GRIA1: variants seen among roughly 807,000 people sequenced by gnomAD.
GRIA1 encodes the protein glutamate receptor 1.
Under a neutral mutation model 99.2 loss-of-function variants are expected in GRIA1, and 31 were observed. That is an observed-to-expected ratio of 0.31 (90% CI 0.23 to 0.42). The LOEUF (loss-of-function observed/expected upper bound fraction) is 0.42. Among genes scored for constraint, GRIA1 ranks in the 10% least tolerant of loss-of-function variants. GRIA1 has a pLI of 1.00. For synonymous variants in GRIA1, 438 were observed against 432.4 expected (o/e 1.01, Z -0.16); for missense variants, 782 against 1,157.5 (o/e 0.68, Z 4.71).
At chr5:153,540,763 G>A (rs1759003196) in intron 2 of GRIA1, among the ~76,000 whole-genome samples, 1 of 152,098 alleles carries the variant, frequency 6.6e-6, no homozygotes, top group Non-Finnish European at 1.5e-5. Flanking sequence ...TAGCAAAGGG[G>A]AGGCCTGTCA....
chr5:153,512,593 C>T (rs985992259), intron 2 of GRIA1, among the ~76,000 whole-genome samples: 1 of 152,206 alleles, frequency 6.6e-6, no homozygotes, highest in African/African-American at 2.4e-5. Context: ...TTCCCTTTCT[C>T]TAGTCTGCAA....
At chr5:153,557,136 C>T (rs1020995511) in intron 2 of GRIA1, among the ~76,000 whole-genome samples, 3 of 152,156 alleles carry the variant, frequency 2.0e-5, no homozygotes, top group African/African-American at 7.2e-5. Context: ...CAGAACTGGA[C>T]GTTGCTCTGG....
chr5:153,490,902 T>A lies in GRIA1; in HGVS notation c.14T>A (p.Phe5Tyr). 1 of 1,614,070 alleles carries A rather than the reference T, an allele frequency of 6.2e-7. No homozygotes were observed. Among genetic ancestry groups the A allele is most frequent in the Non-Finnish European group, 8.5e-7 (1 of 1,179,950 alleles). The change falls in exon 1 of 16, where the codon TTT (phenylalanine) becomes TAT (tyrosine). Residue 5 changes from phenylalanine to tyrosine, a missense_variant. Around this residue, in one of 5 missense-constraint regions of GRIA1, gnomAD observed 461 missense variants for 521.7 expected, o/e 0.88. Coordinates refer to ENST00000285900, the MANE Select transcript of GRIA1 (RefSeq NM_000827.4). MQHIFAFFCTGFLGA... is the reference protein window; with the variant it reads MQHIYAFFCTGFLGA... ...GCAAAAAGGAATATGCAGCACATTTTTGCCTTCTTCTGCACCGGTTTCCTA... is the reference window on the plus strand; with the variant it reads ...GCAAAAAGGAATATGCAGCACATTTATGCCTTCTTCTGCACCGGTTTCCTA...
At chr5:153,707,055 G>T (rs186132159) in intron 11 of GRIA1, among the ~76,000 whole-genome samples, 401 of 152,208 alleles carry the variant, frequency 2.6e-3, no homozygotes, top group African/African-American at 9.2e-3. Context: ...GGAGGCAGAG[G>T]TTGCAGTGAG....
At chr5:153,585,299 CTTTTTTTTT>C (rs10586598) in intron 2 of GRIA1, among the ~76,000 whole-genome samples, 2 of 70,100 alleles carry the variant, frequency 2.9e-5, no homozygotes, top group East Asian at 6.7e-4. Context: ...TTCTCTCTCT[CTTTTTTTTT>C]TTTTTTTTTT....
intron 11 of GRIA1, among the ~76,000 whole-genome samples, chr5:153,740,228 C>G (rs1169217023): frequency 1.3e-5 from 2 of 152,218 alleles, no homozygotes; most frequent in Non-Finnish European, 2.9e-5. Flanking sequence ...CACCCCTACC[C>G]TCCAGCTGCT....
Position 153,559,103 on chromosome 5 carries a change from G to A in GRIA1, c.220+65038G>A, listed in dbSNP as rs535703530. ...AACCCTGTCCATTGGTAACCAGTTTGATGGCTAAGCTCCATTTTTCCATCA... is the reference window on the plus strand; with the variant it reads ...AACCCTGTCCATTGGTAACCAGTTTAATGGCTAAGCTCCATTTTTCCATCA... On this transcript the variant is annotated intron_variant, in intron 2 of 15. Coordinates refer to ENST00000285900, the MANE Select transcript of GRIA1 (RefSeq NM_000827.4). 2.0e-5 allele frequency among the ~76,000 whole-genome samples: 3 copies of A among 152,276 alleles called. No individual in the cohort carries two copies. The East Asian group carries it at 5.8e-4, about 29-fold the overall frequency.
At chr5:153,642,546 A>T (rs1046473477) in intron 2 of GRIA1, among the ~76,000 whole-genome samples, 1 of 151,758 alleles carries the variant, frequency 6.6e-6, no homozygotes, top group Admixed American at 6.6e-5. Context: ...GCGCAACATA[A>T]TGAGATCTCA....
intron 5 of GRIA1, among the ~76,000 whole-genome samples, chr5:153,671,803 G>C (rs1756199194): frequency 6.6e-6 from 1 of 152,138 alleles, no homozygotes; most frequent in Non-Finnish European, 1.5e-5. Context: ...ACACATCAGT[G>C]ACCAAGACAA....
At chr5:153,568,006 CTTTAT>C (rs1435536693) in intron 2 of GRIA1, among the ~76,000 whole-genome samples, 2 of 152,084 alleles carry the variant, frequency 1.3e-5, no homozygotes, top group African/African-American at 2.4e-5. Context: ...TTTTGTCCCA[CTTTAT>C]TTTATTTTGA....
intron 2 of GRIA1, among the ~76,000 whole-genome samples, chr5:153,603,787 G>A (rs1049839382): frequency 1.4e-4 from 22 of 152,162 alleles, no homozygotes; most frequent in Admixed American, 1.2e-3. Flanking sequence ...GCCTAGCTAC[G>A]TTCTTGGGCA....
intron 2 of GRIA1, among the ~76,000 whole-genome samples, chr5:153,497,344 C>T (rs1754540808): frequency 6.6e-6 from 1 of 152,144 alleles, no homozygotes; most frequent in South Asian, 2.1e-4. Context: ...AAATGAAATG[C>T]TGATTGAGAT....
chr5:153,582,611 G>T (rs1319772995), intron 2 of GRIA1, among the ~76,000 whole-genome samples: 1 of 152,106 alleles, frequency 6.6e-6, no homozygotes, highest in Non-Finnish European at 1.5e-5. Flanking sequence ...TATTACCAGA[G>T]CATATCTTTC....
intron 13 of GRIA1, among the ~76,000 whole-genome samples, chr5:153,784,951 G>A (rs1327111448): frequency 6.6e-6 from 1 of 152,044 alleles, no homozygotes; most frequent in East Asian, 1.9e-4. Flanking sequence ...TGGTTCCTAC[G>A]GAGGCTCTGG....
chr5:153,587,099 C>A (rs974179217), intron 2 of GRIA1, among the ~76,000 whole-genome samples: 3 of 152,162 alleles, frequency 2.0e-5, no homozygotes, highest in Non-Finnish European at 4.4e-5. Context: ...TTTGCTCCCA[C>A]CCAAATCTCA....
intron 2 of GRIA1, among the ~76,000 whole-genome samples, chr5:153,561,395 G>A (rs913316665): frequency 1.8e-4 from 28 of 152,248 alleles, no homozygotes; most frequent in Admixed American, 1.8e-3. Flanking sequence ...TGACAAGCCT[G>A]ACCCAACATA....
At chr5:153,690,266 T>C (rs1272516046) in intron 8 of GRIA1, among the ~76,000 whole-genome samples, 2 of 149,998 alleles carry the variant, frequency 1.3e-5, no homozygotes, top group African/African-American at 4.9e-5. Context: ...AATAATATAA[T>C]ATAATATAAT....
chr5:153,754,257 C>T (rs569631904), intron 11 of GRIA1, among the ~76,000 whole-genome samples: 2 of 152,304 alleles, frequency 1.3e-5, no homozygotes, highest in East Asian at 3.9e-4. Context: ...GGGAGGATTG[C>T]CTTGCCCTCA....
At chr5:153,491,130 G>C in intron 1 of GRIA1, 160 bp downstream of exon 1, 1 of 987,200 alleles carries the variant, frequency 1.0e-6, no homozygotes, top group Non-Finnish European at 1.5e-6. Flanking sequence ...ACAGCCAGAG[G>C]AGGGGGCTTC....
Sources: allele counts gnomAD v4.1 joint callset (sites outside exome capture counted in the v4.1 genomes callset), GRCh38; gene constraint gnomAD v4.1.1; regional missense constraint gnomAD v4.1.1; transcripts MANE v1.5; gene names NCBI Gene and HGNC (gene_info 2026-07-23, HGNC 2026-07-21).